ZNF114: variants seen among roughly 807,000 people sequenced by gnomAD.
ZNF114 encodes zinc finger protein 114, also known as zinc finger protein 114 (Y18).
In ZNF114, 8 loss-of-function variants were observed where a neutral mutation model predicts 6.8. The observed-to-expected ratio is 1.18, with a 90% CI of 0.69 to 2.13. The LOEUF (loss-of-function observed/expected upper bound fraction) is 2.13, where lower values mean the gene tolerates loss of function less well. ZNF114 is among the 30% of genes most tolerant of loss of function. ZNF114 has a pLI of 0.00. For missense variants in ZNF114, 472 were observed against 519.5 expected, an observed-to-expected ratio of 0.91 and a Z score of 0.89; for synonymous variants, 169 against 185.5, an observed-to-expected ratio of 0.91 and a Z score of 0.72.
At chr19:48,272,700 T>TAAAAAAAAAAAA (rs1555875993) in intron 3 of ZNF114, among the ~76,000 whole-genome samples, 3 of 79,368 alleles carry the variant, frequency 3.8e-5, no homozygotes, top group African/African-American at 1.7e-4. Context: ...AAAAAAAAAG[T>TAAAAAAAAAAAA]ATTGGATTGG....
intron 5 of ZNF114, among the ~76,000 whole-genome samples, chr19:48,284,688 C>T (rs1289942300): frequency 1.3e-5 from 2 of 152,240 alleles, no homozygotes; most frequent in Non-Finnish European, 2.9e-5. Flanking sequence ...ACTTCAGCCT[C>T]TCAAAGTGCT....
intron 4 of ZNF114, 34 bp downstream of exon 4, chr19:48,279,842 G>A: frequency 3.1e-6 from 5 of 1,613,728 alleles, no homozygotes; most frequent in Non-Finnish European, 3.4e-6. Flanking sequence ...CCAGAAGCGT[G>A]TTGTCGTTCC....
At position 48,286,416 on chromosome 19, in the gene ZNF114, C is replaced by A; in HGVS notation, c.792C>A (p.Ala264=). 1 of 1,614,172 alleles carries A rather than the reference C, an allele frequency of 6.2e-7. No individual in the cohort carries two copies. The change falls in exon 6 of 6, where the codon GCC becomes GCA. Residue 264 remains alanine (A), a synonymous_variant. Coordinates refer to ENST00000595607, the MANE Select transcript of ZNF114 (RefSeq NM_153608.4). ...CCTCCAGAAATAACTCAATTCACGC[C>A]ATGCAGATGCAGTTGTATACCGCAG... ...ENTSRNNSIH[A]MQMQLYTAET...
At chr19:48,274,811 T>C (rs1393365611) in intron 3 of ZNF114, among the ~76,000 whole-genome samples, 2 of 150,430 alleles carry the variant, frequency 1.3e-5, no homozygotes, top group African/African-American at 4.9e-5. Flanking sequence ...TGGCCTAGAG[T>C]TATGTTTCTT....
At position 48,285,789 on chromosome 19, in the gene ZNF114, C is replaced by T. The variant is rs150295509; in HGVS notation, c.165C>T (p.Asp55=). Residue 55 remains aspartate (D), a synonymous_variant, in exon 6 of 6, where the codon GAC becomes GAT. Coordinates refer to ENST00000595607, the MANE Select transcript of ZNF114 (RefSeq NM_153608.4). ...IDWATPCKTK[D]ATPQPDILPK... ...GGGCAACTCCATGTAAAACCAAAGACGCAACCCCTCAGCCGGATATTCTTC... is the reference window on the plus strand; with the variant it reads ...GGGCAACTCCATGTAAAACCAAAGATGCAACCCCTCAGCCGGATATTCTTC... 1.4e-5 allele frequency: 22 copies of T among 1,609,982 alleles called. No homozygotes were observed. In the African/African-American group the frequency reaches 1.5e-4, roughly 11 times the overall value.
chr19:48,285,882 A>G lies in ZNF114; in HGVS notation c.258A>G (p.Leu86=), dbSNP rs1283843342. ...LTSISSQHST[L]REDWRCPKTE... ...GCATCAGTTCCCAGCACTCCACATT[A>G]AGAGAAGACTGGAGATGCCCCAAAA... is the stretch of plus-strand genomic sequence containing the variant. The change falls in exon 6 of 6, where the codon TTA becomes TTG. Residue 86 remains leucine (L), a synonymous_variant. Transcript: ENST00000595607. The G allele has an allele frequency of 1.2e-5, 20 of 1,614,174 alleles. No homozygotes were observed. The Middle Eastern group carries it at 4.9e-4, about 40-fold the overall frequency.
intron 5 of ZNF114, among the ~76,000 whole-genome samples, chr19:48,283,783 G>T (rs1372758731): frequency 1.3e-5 from 2 of 151,988 alleles, no homozygotes; most frequent in Non-Finnish European, 2.9e-5. Context: ...GCCCAGGCTG[G>T]AGTGCAGTGG....
chr19:48,276,419 G>T (rs10416999), intron 3 of ZNF114, among the ~76,000 whole-genome samples: 33,818 of 151,880 alleles, frequency 0.22, 3,925 homozygotes, highest in Middle Eastern at 0.28. Context: ...CGCCCAGCAA[G>T]TCCTGAGTGA....
intron 3 of ZNF114, among the ~76,000 whole-genome samples, chr19:48,276,721 G>A (rs776446093): frequency 3.7e-4 from 56 of 152,086 alleles, no homozygotes; most frequent in Non-Finnish European, 6.0e-4. Flanking sequence ...ATGGGGCCTC[G>A]CTATGTTGCC....
At position 48,285,881 on chromosome 19, in the gene ZNF114, T is replaced by G; in HGVS notation, c.257T>G (p.Leu86Ter). 6.2e-7 allele frequency: 1 copy of G among 1,614,122 alleles called. No individual in the cohort carries two copies. The highest frequency in any genetic ancestry group is 8.5e-7 in the Non-Finnish European group (1 of 1,180,036). ...LTSISSQHST[L>*]REDWRCPKTE... ...AGCATCAGTTCCCAGCACTCCACAT[T>G]AAGAGAAGACTGGAGATGCCCCAAA... is the stretch of plus-strand genomic sequence containing the variant. Residue 86 changes from leucine to a stop codon, truncating the protein, a stop_gained, in exon 6 of 6, where the codon TTA (leucine) becomes TGA (stop). Coordinates refer to ENST00000595607, the MANE Select transcript of ZNF114 (RefSeq NM_153608.4). LOFTEE classifies it low-confidence loss of function (END_TRUNC).
At chr19:48,273,264 C>T (rs74958088) in intron 3 of ZNF114, among the ~76,000 whole-genome samples, 1 of 152,214 alleles carries the variant, frequency 6.6e-6, no homozygotes, top group Non-Finnish European at 1.5e-5. Context: ...ATCACTAATC[C>T]GCTCCGGTGA....
At position 48,277,794 on chromosome 19, in the gene ZNF114, G is replaced by GGGGTGTGTGTGTGTGTGTGTGTGTGTGT. The variant is rs1330052475; in HGVS notation, c.-69-1936_-69-1935insGGTGTGTGTGTGTGTGTGTGTGTGTGTG. Among the ~76,000 whole-genome samples, 989 of 119,366 alleles carry GGGGTGTGTGTGTGTGTGTGTGTGTGTGT rather than the reference G, an allele frequency of 8.3e-3. 36 individuals are homozygous for GGGGTGTGTGTGTGTGTGTGTGTGTGTGT. Among genetic ancestry groups the GGGGTGTGTGTGTGTGTGTGTGTGTGTGT allele is most frequent in the South Asian group, 0.014 (44 of 3,214 alleles). 78.3% of individuals were successfully genotyped at this position (119,366 alleles called of 152,430 possible). On this transcript the variant is annotated intron_variant, in intron 3 of 5. Coordinates refer to ENST00000595607, the MANE Select transcript of ZNF114 (RefSeq NM_153608.4). ...GAATAGACTGACCAGGGAGGCATTGGGTGTGTGTGTGTGTGTGTGTGTGTG... is the reference window on the plus strand; with the variant it reads ...GAATAGACTGACCAGGGAGGCATTGGGGGTGTGTGTGTGTGTGTGTGTGTGTGTGTGTGTGTGTGTGTGTGTGTGTGTG...
chr19:48,277,292 G>A (rs1483000907), intron 3 of ZNF114, among the ~76,000 whole-genome samples: 1 of 151,656 alleles, frequency 6.6e-6, no homozygotes, highest in Non-Finnish European at 1.5e-5. Context: ...AGGCTGCTGT[G>A]AGCCGAGATC....
At chr19:48,272,673 C>CAAAAAAAAAAAAAAAAAAAAAAAAAA (rs57823987) in intron 3 of ZNF114, among the ~76,000 whole-genome samples, 6 of 39,226 alleles carry the variant, frequency 1.5e-4, no homozygotes, top group Non-Finnish European at 2.5e-4. Flanking sequence ...GACTCTCTCT[C>CAAAAAAAAAAAAAAAAAAAAAAAAAA]AAAAAAAAAA....
intron 3 of ZNF114, among the ~76,000 whole-genome samples, chr19:48,272,737 A>G (rs1450378690): frequency 7.0e-5 from 10 of 143,732 alleles, no homozygotes; most frequent in South Asian, 4.2e-4. Flanking sequence ...GGTGAACTGA[A>G]AAGTCCTGGG....
At chr19:48,282,293 T>G in intron 4 of ZNF114, 78 bp from the exon 5 acceptor site, 1 of 1,586,900 alleles carries the variant, frequency 6.3e-7, no homozygotes, top group Non-Finnish European at 8.6e-7. Flanking sequence ...CAACCTACCT[T>G]TTTCTGTGGA....
chr19:48,276,074 C>CTT (rs34454372), intron 3 of ZNF114, among the ~76,000 whole-genome samples: 83 of 73,456 alleles, frequency 1.1e-3, no homozygotes, highest in African/African-American at 1.7e-3. Context: ...CCTCTTACCT[C>CTT]TTTTTTTTTT....
rs781066570 is a variant in ZNF114 at position 48,285,924 on chromosome 19, G to A, written c.300G>A (p.Arg100=). The change falls in exon 6 of 6, where the codon AGG becomes AGA. Residue 100 remains arginine, a synonymous_variant. Transcript: ENST00000595607. ...GCCCCAAAACAGAGGAACCACACAG[G>A]CAGGGGGTGAATAATGTGAAGCCAC... is the stretch of plus-strand genomic sequence containing the variant. ...WRCPKTEEPH[R]QGVNNVKPPA... 7.4e-6 allele frequency: 12 copies of A among 1,614,026 alleles called. No homozygotes were observed. In the South Asian group the frequency reaches 8.8e-5, roughly 12 times the overall value.
At chr19:48,270,808 G>T (rs1235192996) in intron 1 of ZNF114, among the ~76,000 whole-genome samples, 1 of 152,064 alleles carries the variant, frequency 6.6e-6, no homozygotes, top group Non-Finnish European at 1.5e-5. Flanking sequence ...GCCGGGCGCG[G>T]TGGCTCACGC....
Sources: allele counts gnomAD v4.1 joint callset (sites outside exome capture counted in the v4.1 genomes callset), GRCh38; gene constraint gnomAD v4.1.1; transcripts MANE v1.5; gene names NCBI Gene and HGNC (gene_info 2026-07-23, HGNC 2026-07-21).